Variants in TNFSF4 observed in about 807,000 individuals in gnomAD.
The protein encoded by TNFSF4 is tumor necrosis factor ligand superfamily member 4.
TNFSF4 carries 4 observed loss-of-function variants against 7.3 expected under a neutral mutation model. That is an observed-to-expected ratio of 0.55 (90% confidence interval 0.27 to 1.25). The LOEUF (loss-of-function observed/expected upper bound fraction) is 1.25, where lower values mean the gene tolerates loss of function less well. TNFSF4 is among the 50% of genes most tolerant of loss of function. TNFSF4 has a pLI of 0.12. For synonymous variants in TNFSF4, 76 were observed against 83.7 expected (o/e 0.91, Z 0.50); for missense variants, 181 against 208.8 (o/e 0.87, Z 0.82).
chr1:173,319,960 C>T, the TNFSF4 span, among the ~76,000 whole-genome samples: 2 of 152,144 alleles, frequency 1.3e-5, no homozygotes, highest in African/African-American at 4.8e-5. Flanking sequence ...TCCAAATGAT[C>T]GCAATTCCTC....
the TNFSF4 span, among the ~76,000 whole-genome samples, chr1:173,327,690 A>G: frequency 1.3e-5 from 2 of 152,152 alleles, no homozygotes; most frequent in Non-Finnish European, 2.9e-5. Flanking sequence ...AAAAGTGGGC[A>G]AAGGATATGA....
chr1:173,414,617 A>C, the TNFSF4 span, among the ~76,000 whole-genome samples: 70 of 152,354 alleles, frequency 4.6e-4, no homozygotes, highest in African/African-American at 1.6e-3. Flanking sequence ...TTCAAGCTTC[A>C]AAGTATGAAG....
intron 1 of TNFSF4, among the ~76,000 whole-genome samples, chr1:173,196,863 C>A (rs962204864): frequency 9.2e-5 from 14 of 152,164 alleles, no homozygotes; most frequent in African/African-American, 3.1e-4. Flanking sequence ...CTCCTGTCCC[C>A]ACCTCAATGA....
At chr1:173,361,019 A>C in the TNFSF4 span, among the ~76,000 whole-genome samples, 2 of 152,208 alleles carry the variant, frequency 1.3e-5, no homozygotes, top group Non-Finnish European at 2.9e-5. Flanking sequence ...GGAAAGATAG[A>C]GAGATGAAGA....
chr1:173,310,825 A>G, the TNFSF4 span, among the ~76,000 whole-genome samples: 2 of 151,814 alleles, frequency 1.3e-5, no homozygotes, highest in Non-Finnish European at 2.9e-5. Context: ...TACAAATTTA[A>G]AATTATTTCT....
the TNFSF4 span, among the ~76,000 whole-genome samples, chr1:173,401,511 C>A: frequency 0.71 from 108,002 of 152,004 alleles, 38,699 homozygotes; most frequent in African/African-American, 0.82. Flanking sequence ...CATGAAAAAA[C>A]CTAAAGGTGG....
chr1:173,401,807 C>T, the TNFSF4 span, among the ~76,000 whole-genome samples: 1 of 152,064 alleles, frequency 6.6e-6, no homozygotes, highest in Non-Finnish European at 1.5e-5. Context: ...GTCTGGAGAA[C>T]TCAGGTTAAT....
the TNFSF4 span, among the ~76,000 whole-genome samples, chr1:173,244,689 G>A: frequency 1.3e-4 from 20 of 149,458 alleles, no homozygotes; most frequent in Admixed American, 1.2e-3. Flanking sequence ...ATAAACCCTC[G>A]AATTAAAAAA....
chr1:173,279,534 C>G, the TNFSF4 span, among the ~76,000 whole-genome samples: 1 of 152,090 alleles, frequency 6.6e-6, no homozygotes, highest in Non-Finnish European at 1.5e-5. Flanking sequence ...CTTGAGTAGC[C>G]AAACTCAAAT....
the TNFSF4 span, among the ~76,000 whole-genome samples, chr1:173,175,739 A>G: frequency 1.3e-5 from 2 of 152,226 alleles, no homozygotes; most frequent in South Asian, 2.1e-4. Flanking sequence ...AGGTCAGACC[A>G]GCACTTCTTA....
chr1:173,325,737 C>A, the TNFSF4 span, among the ~76,000 whole-genome samples: 1 of 152,174 alleles, frequency 6.6e-6, no homozygotes, highest in African/African-American at 2.4e-5. Flanking sequence ...ACTATAAATG[C>A]CTCTACGCAA....
At chr1:173,257,051 T>A in the TNFSF4 span, among the ~76,000 whole-genome samples, 3 of 152,384 alleles carry the variant, frequency 2.0e-5, no homozygotes, top group East Asian at 5.8e-4. Context: ...ATTGCCCATG[T>A]GGCTTATGAG....
the TNFSF4 span, among the ~76,000 whole-genome samples, chr1:173,328,164 C>T: frequency 1.3e-5 from 2 of 151,970 alleles, no homozygotes; most frequent in Non-Finnish European, 2.9e-5. Flanking sequence ...CCATGGAATA[C>T]TATGCAGCCA....
chr1:173,330,604 C>T, the TNFSF4 span, among the ~76,000 whole-genome samples: 10,238 of 152,042 alleles, frequency 0.067, 361 homozygotes, highest in Middle Eastern at 0.13. Flanking sequence ...AAAACTGAAG[C>T]TCCTGAAATA....
the TNFSF4 span, among the ~76,000 whole-genome samples, chr1:173,391,264 G>A: frequency 2.1e-5 from 3 of 146,194 alleles, no homozygotes; most frequent in Non-Finnish European, 4.5e-5. Flanking sequence ...CCCTCTCCAT[G>A]TCCCTATGCA....
the TNFSF4 span, among the ~76,000 whole-genome samples, chr1:173,380,493 T>C: frequency 5.9e-5 from 9 of 152,114 alleles, no homozygotes; most frequent in African/African-American, 1.7e-4. Context: ...AACAGCTCCA[T>C]TGAGATGACT....
the TNFSF4 span, among the ~76,000 whole-genome samples, chr1:173,364,402 T>A: frequency 6.8e-6 from 1 of 147,546 alleles, no homozygotes; most frequent in Non-Finnish European, 1.5e-5. Flanking sequence ...TATATATATA[T>A]ACACACACAC....
chr1:173,382,753 T>C, the TNFSF4 span, among the ~76,000 whole-genome samples: 1 of 152,102 alleles, frequency 6.6e-6, no homozygotes, highest in African/African-American at 2.4e-5. Flanking sequence ...CTGGACTATG[T>C]CATATCTACC....
rs1649117889 is a variant in TNFSF4 at position 173,183,977 on chromosome 1, A to T, written c.*2539T>A. 6.6e-6 allele frequency: 1 copy of T among 152,208 alleles called. No homozygotes were observed. Among genetic ancestry groups the T allele is most frequent in the African/African-American group, 2.4e-5 (1 of 41,452 alleles). 9.4% of individuals were successfully genotyped at this position (152,208 alleles called of 1,614,324 possible). On this transcript the variant is annotated 3_prime_UTR_variant, in exon 3 of 3. Coordinates refer to ENST00000281834, the MANE Select transcript of TNFSF4 (RefSeq NM_003326.5). ...AACAATTGATAACTGCTCTTGAAGG[A>T]CTCACAAAGATGGCTGAGGAAGATG... is the stretch of plus-strand genomic sequence containing the variant.
Sources: gnomAD v4.1 joint callset for allele counts (sites outside exome capture counted in the v4.1 genomes callset) on GRCh38, gnomAD v4.1.1 for gene constraint, MANE v1.5 for transcripts, NCBI Gene and HGNC (gene_info 2026-07-23, HGNC 2026-07-21) for gene names.